The following RGPD6 variants were observed in gnomAD, a reference collection of about 807,000 sequenced individuals.
The protein encoded by RGPD6 is RANBP2-like and GRIP domain-containing protein 5/6.
the RGPD6 span, among the ~76,000 whole-genome samples, chr2:110,602,640 TTA>T: frequency 2.3e-5 from 1 of 43,164 alleles, no homozygotes; most frequent in Non-Finnish European, 4.2e-5. Context: ...ACTTAGGTTT[TTA>T]TGTTTACTTC....
chr2:110,600,951 A>G, the RGPD6 span, among the ~76,000 whole-genome samples: 1 of 151,378 alleles, frequency 6.6e-6, no homozygotes, highest in Non-Finnish European at 1.5e-5. Flanking sequence ...CCTTAACAGA[A>G]GAGGGGCCTG....
chr2:110,606,852 A>G, the RGPD6 span, among the ~76,000 whole-genome samples: 1 of 151,514 alleles, frequency 6.6e-6, no homozygotes, highest in Non-Finnish European at 1.5e-5. Context: ...TCCTCCACCC[A>G]AGTCCCAAAT....
chr2:110,593,343 G>T, the RGPD6 span, among the ~76,000 whole-genome samples: 1 of 147,274 alleles, frequency 6.8e-6, no homozygotes, highest in East Asian at 2.0e-4. Flanking sequence ...GAAAGTACAG[G>T]TGTGGGTGTG....
At chr2:110,605,588 G>T in the RGPD6 span, among the ~76,000 whole-genome samples, 35 of 151,598 alleles carry the variant, frequency 2.3e-4, no homozygotes, top group African/African-American at 8.5e-4. Flanking sequence ...TCAGGGATCT[G>T]TAGCATTTTC....
At chr2:110,591,889 G>C in the RGPD6 span, among the ~76,000 whole-genome samples, 2 of 147,796 alleles carry the variant, frequency 1.4e-5, no homozygotes. Flanking sequence ...AATTTGATAA[G>C]CCCTGGACTA....
At chr2:110,604,828 AG>A in the RGPD6 span, among the ~76,000 whole-genome samples, 1 of 147,978 alleles carries the variant, frequency 6.8e-6, no homozygotes, top group African/African-American at 2.5e-5. Context: ...AAGTTGCTCA[AG>A]TGTCATTGAT....
the RGPD6 span, among the ~76,000 whole-genome samples, chr2:110,589,528 T>C: frequency 1.3e-5 from 2 of 152,056 alleles, no homozygotes; most frequent in African/African-American, 4.8e-5. Flanking sequence ...ATCAGCCGGT[T>C]TGCAGTTCAG....
the RGPD6 span, among the ~76,000 whole-genome samples, chr2:110,589,819 TAG>T: frequency 1.4e-5 from 1 of 69,348 alleles, no homozygotes; most frequent in Admixed American, 1.8e-4. Flanking sequence ...CACAAAGGAA[TAG>T]AGTTCTTACA....
the RGPD6 span, among the ~76,000 whole-genome samples, chr2:110,589,469 G>T: frequency 6.6e-6 from 1 of 152,192 alleles, no homozygotes; most frequent in Non-Finnish European, 1.5e-5. Context: ...TAAGAACAAC[G>T]GTATTTTTCA....
the RGPD6 span, among the ~76,000 whole-genome samples, chr2:110,600,935 T>C: frequency 6.7e-6 from 1 of 150,118 alleles, no homozygotes; most frequent in Non-Finnish European, 1.5e-5. Flanking sequence ...TGGGGACCCC[T>C]GCACTCCTTA....
At chr2:110,593,195 A>C in the RGPD6 span, among the ~76,000 whole-genome samples, 3 of 148,174 alleles carry the variant, frequency 2.0e-5, no homozygotes, top group African/African-American at 7.8e-5. Flanking sequence ...TGCATTTTAC[A>C]AATGAGAAAA....
chr2:110,605,936 T>C, the RGPD6 span, among the ~76,000 whole-genome samples: 13 of 151,684 alleles, frequency 8.6e-5, no homozygotes, highest in South Asian at 2.1e-4. Flanking sequence ...GATGTGCCCA[T>C]GCCCCCTCAA....
At chr2:110,589,469 G>A in the RGPD6 span, among the ~76,000 whole-genome samples, 21 of 152,310 alleles carry the variant, frequency 1.4e-4, no homozygotes, top group East Asian at 7.7e-4. Context: ...TAAGAACAAC[G>A]GTATTTTTCA....
the RGPD6 span, among the ~76,000 whole-genome samples, chr2:110,601,007 A>C: frequency 6.6e-6 from 1 of 152,122 alleles, no homozygotes. Context: ...TTGAATCTTT[A>C]GCACACTGAG....
the RGPD6 span, among the ~76,000 whole-genome samples, chr2:110,604,692 A>C: frequency 6.6e-6 from 1 of 151,006 alleles, no homozygotes; most frequent in Non-Finnish European, 1.5e-5. Context: ...TAAAAAAAAA[A>C]ATCAAACAGG....
chr2:110,605,195 G>A, the RGPD6 span, among the ~76,000 whole-genome samples: 7 of 151,788 alleles, frequency 4.6e-5, no homozygotes, highest in African/African-American at 7.3e-5. Flanking sequence ...GCTTCCCATC[G>A]AGGGCCCCTG....
chr2:110,606,851 C>G, the RGPD6 span, among the ~76,000 whole-genome samples: 1 of 151,726 alleles, frequency 6.6e-6, no homozygotes, highest in East Asian at 1.9e-4. Flanking sequence ...ATCCTCCACC[C>G]AAGTCCCAAA....
At chr2:110,593,058 AAG>A in the RGPD6 span, among the ~76,000 whole-genome samples, 3 of 148,202 alleles carry the variant, frequency 2.0e-5, no homozygotes, top group Admixed American at 2.0e-4. Context: ...TAGAAAAGCT[AAG>A]ATTTATACGG....
rs1491167413 is a variant in RGPD6, at chr2:110,576,892, C to CCG, written c.72+60_72+61insCG. The CCG allele has an allele frequency of 5.1e-5, 28 of 547,740 alleles. 1 individual carries two copies. In the Admixed American group the frequency reaches 1.1e-3, roughly 21 times the overall value. 33.9% of individuals were successfully genotyped at this position (547,740 alleles called of 1,614,324 possible). Reference sequence around the variant, plus strand: ...GCCATCGAGGCGGCCGCCGCCGCCGCCCCCCCCCTCCCCCCCCGGCCGGGT... The same window carrying CCG: ...GCCATCGAGGCGGCCGCCGCCGCCGCCGCCCCCCCCTCCCCCCCCGGCCGGGT... On this transcript the variant is annotated intron_variant, in intron 1 of 22. Coordinates refer to ENST00000329516, the MANE Select transcript of RGPD6 (RefSeq NM_001123363.4).
Sources: allele counts gnomAD v4.1 joint callset (sites outside exome capture counted in the v4.1 genomes callset), GRCh38; gene constraint gnomAD v4.1.1; transcripts MANE v1.5; gene names NCBI Gene and HGNC (gene_info 2026-07-23, HGNC 2026-07-21).